The following MYO1D variants were observed in gnomAD, a reference collection of about 807,000 sequenced individuals.
The protein encoded by MYO1D is myosin ID, also known as unconventional myosin-Id.
MYO1D carries 83 observed loss-of-function variants against 122.0 expected under a neutral mutation model. The observed-to-expected ratio is 0.68, with a 90% CI of 0.57 to 0.82. The LOEUF is 0.82. MYO1D is among the 40% of genes least tolerant of loss of function. MYO1D has a pLI of 0.00. For synonymous variants in MYO1D, 464 were observed against 446.9 expected (o/e 1.04, Z -0.48); for missense variants, 1,157 against 1,269.5 (o/e 0.91, Z 1.35).
At chr17:32,628,332 G>C (rs1320281764) in intron 20 of MYO1D, among the ~76,000 whole-genome samples, 2 of 152,092 alleles carry the variant, frequency 1.3e-5, no homozygotes, top group Admixed American at 1.3e-4. Flanking sequence ...ACATAGAAAG[G>C]GGTCACCCGT....
Position 32,745,251 on chromosome 17 carries a change from CTTTATT to C in MYO1D, c.1567_1572del (p.Asn523_Lys524del). 6.5e-7 allele frequency: 1 copy of C among 1,547,770 alleles called. No homozygotes were observed. The highest frequency in any genetic ancestry group is 8.9e-7 in the Non-Finnish European group (1 of 1,125,798). ...CGCTTGAAATCTTGAAATAAAGTAT[CTTTATT>C]TTTGTCAATAAAACCAATGACAGAA... On this transcript the variant is annotated inframe_deletion, in exon 13 of 22. Coordinates refer to ENST00000318217, the MANE Select transcript of MYO1D (RefSeq NM_015194.3).
intron 1 of MYO1D, among the ~76,000 whole-genome samples, chr17:32,864,198 A>C (rs2091104668): frequency 6.6e-6 from 1 of 151,846 alleles, no homozygotes; most frequent in South Asian, 2.1e-4. Flanking sequence ...AAAGCACTAG[A>C]GTGCCAGGGC....
At chr17:32,571,523 T>C (rs1056653250) in intron 21 of MYO1D, among the ~76,000 whole-genome samples, 5 of 152,158 alleles carry the variant, frequency 3.3e-5, no homozygotes, top group African/African-American at 1.2e-4. Context: ...TTCCTTGTTC[T>C]CCAGAAGGTA....
At chr17:32,663,373 T>A (rs1947730103) in intron 16 of MYO1D, among the ~76,000 whole-genome samples, 1 of 152,240 alleles carries the variant, frequency 6.6e-6, no homozygotes, top group Non-Finnish European at 1.5e-5. Context: ...TTCTTCCACC[T>A]ATAACATGGA....
chr17:32,545,594 T>C (rs776175893), intron 21 of MYO1D, among the ~76,000 whole-genome samples: 6 of 152,216 alleles, frequency 3.9e-5, no homozygotes, highest in African/African-American at 9.6e-5. Flanking sequence ...AGTTAATTGA[T>C]CAGCCTAAGG....
At chr17:32,528,715 C>CAGG (rs1280893963) in intron 21 of MYO1D, among the ~76,000 whole-genome samples, 2 of 151,932 alleles carry the variant, frequency 1.3e-5, no homozygotes, top group African/African-American at 4.8e-5. Context: ...CTGACACAGA[C>CAGG]AGGAGGAGGA....
intron 1 of MYO1D, among the ~76,000 whole-genome samples, chr17:32,832,425 G>A (rs966518383): frequency 7.3e-5 from 11 of 151,572 alleles, no homozygotes; most frequent in African/African-American, 2.4e-4. Flanking sequence ...TCAGCCTCCC[G>A]AGTAGCTGGG....
intron 20 of MYO1D, among the ~76,000 whole-genome samples, chr17:32,627,185 C>T (rs1007037039): frequency 1.3e-5 from 2 of 152,122 alleles, no homozygotes; most frequent in African/African-American, 4.8e-5. Flanking sequence ...AGCTGAGTGC[C>T]ACTCAAGGTC....
At chr17:32,649,658 A>C (rs1456990029) in intron 19 of MYO1D, among the ~76,000 whole-genome samples, 3 of 130,682 alleles carry the variant, frequency 2.3e-5, no homozygotes, top group Admixed American at 9.0e-5. Context: ...TGCAACCTCC[A>C]CCCCCCGGGT....
chr17:32,555,077 A>C (rs2087056683), intron 21 of MYO1D, among the ~76,000 whole-genome samples: 1 of 152,196 alleles, frequency 6.6e-6, no homozygotes, highest in Non-Finnish European at 1.5e-5. Context: ...GAATAAATAC[A>C]TCATTTTAAG....
chr17:32,812,622 G>A (rs1289783893), intron 1 of MYO1D, among the ~76,000 whole-genome samples: 3 of 152,174 alleles, frequency 2.0e-5, no homozygotes, highest in African/African-American at 7.2e-5. Context: ...GACAAGTAGA[G>A]TACCAGGTCA....
At chr17:32,837,319 G>T (rs2090837668) in intron 1 of MYO1D, among the ~76,000 whole-genome samples, 1 of 131,276 alleles carries the variant, frequency 7.6e-6, no homozygotes, top group African/African-American at 2.9e-5. Context: ...AAATGTTCTA[G>T]CTATGAGTGC....
At chr17:32,513,539 C>T (rs1424772212) in intron 21 of MYO1D, among the ~76,000 whole-genome samples, 1 of 152,160 alleles carries the variant, frequency 6.6e-6, no homozygotes, top group Non-Finnish European at 1.5e-5. Flanking sequence ...GTACACAGGG[C>T]TCAGTGCTCT....
chr17:32,753,616 T>C (rs1246438085), intron 11 of MYO1D, among the ~76,000 whole-genome samples: 1 of 152,198 alleles, frequency 6.6e-6, no homozygotes, highest in Non-Finnish European at 1.5e-5. Context: ...ACAAATGACA[T>C]GGCTGGGCGT....
At chr17:32,692,804 C>T (rs2089121212) in intron 16 of MYO1D, among the ~76,000 whole-genome samples, 3 of 152,162 alleles carry the variant, frequency 2.0e-5, no homozygotes, top group African/African-American at 4.8e-5. Context: ...AGCTTCCTGG[C>T]ATCTACAGCA....
chr17:32,510,728 A>T (rs1391901709), intron 21 of MYO1D: 1 of 151,644 alleles, frequency 6.6e-6, no homozygotes, highest in African/African-American at 2.4e-5. Flanking sequence ...AGGCCTGGCG[A>T]CCCCTGCGTC....
At chr17:32,629,840 G>T (rs1290041257) in intron 20 of MYO1D, among the ~76,000 whole-genome samples, 1 of 152,172 alleles carries the variant, frequency 6.6e-6, no homozygotes. Flanking sequence ...AAGGGAAAAG[G>T]AAGTGCATGT....
In MYO1D at chr17:32,711,996, G is replaced by A. The variant is rs531500441; in HGVS notation, c.2113C>T (p.Leu705=). The change falls in exon 16 of 22, where the codon CTA becomes TTA. Residue 705 remains leucine (L), a synonymous_variant. Transcript: ENST00000318217. ...AQMLIRIVLF[L]QKVWRGTLAR... ...ATAAAATATAAAATTACCTTTTGTA[G>A]AAAGAGGACAATCCTTATGAGCATC... 1.9e-6 allele frequency: 3 copies of A among 1,611,494 alleles called. No individual in the cohort carries two copies. The South Asian group carries it at 3.3e-5, about 18-fold the overall frequency.
chr17:32,565,557 C>T (rs912345096), intron 21 of MYO1D, among the ~76,000 whole-genome samples: 2 of 152,150 alleles, frequency 1.3e-5, no homozygotes, highest in Non-Finnish European at 2.9e-5. Flanking sequence ...CTTCATATGG[C>T]CGGTGACATA....
Sources: gnomAD v4.1 joint callset for allele counts (sites outside exome capture counted in the v4.1 genomes callset) on GRCh38, gnomAD v4.1.1 for gene constraint, MANE v1.5 for transcripts, NCBI Gene and HGNC (gene_info 2026-07-23, HGNC 2026-07-21) for gene names.